THRB: variants seen among roughly 807,000 people sequenced by gnomAD.
THRB encodes thyroid hormone receptor beta.
A neutral mutation model predicts 47.8 loss-of-function variants in THRB; 12 were observed. The ratio of observed to expected loss-of-function variants is 0.25; its 90% CI spans 0.16 to 0.41. THRB has a LOEUF of 0.41. Ranked by LOEUF, THRB falls within the 10% of genes least tolerant of loss-of-function variation. The pLI is 1.00. For missense variants in THRB, 348 were observed against 589.2 expected (o/e 0.59, Z 4.24); for synonymous variants, 218 against 212.2 (o/e 1.03, Z -0.24).
chr3:24,310,318 TA>T (rs1477218616), intron 2 of THRB, among the ~76,000 whole-genome samples: 1 of 152,174 alleles, frequency 6.6e-6, no homozygotes, highest in African/African-American at 2.4e-5. Flanking sequence ...TTTTTAAAAA[TA>T]AAATGATGTA....
chr3:24,455,106 CTTTTTTTTTTTTTT>C (rs71057676), intron 1 of THRB: 13 of 40,694 alleles, frequency 3.2e-4, no homozygotes, highest in South Asian at 1.2e-3. Flanking sequence ...TAAGGACTTA[CTTTTTTTTTTTTTT>C]TTTTTTTTTT....
rs1001019994 is a variant in THRB, at chr3:24,117,285, C to A, written c.*5599G>T. On this transcript the variant is annotated 3_prime_UTR_variant, in exon 11 of 11. Transcript: ENST00000646209. ...GTTTTAGATTTACCTTTGGTGTGGG[C>A]ACTGGTTGCTTTTGCTTGCCCACCA... 3 of 152,204 alleles carry A rather than the reference C, an allele frequency of 2.0e-5. No individual in the cohort carries two copies. The highest frequency in any genetic ancestry group is 4.8e-5 in the African/African-American group (2 of 41,452). 9.4% of individuals were successfully genotyped at this position (152,204 alleles called of 1,614,324 possible).
At chr3:24,465,897 T>A (rs79546543) in intron 1 of THRB, among the ~76,000 whole-genome samples, 3,558 of 152,288 alleles carry the variant, frequency 0.023, 75 homozygotes, top group East Asian at 0.087. Context: ...TGTCAAATAA[T>A]TTTATAAATT....
At chr3:24,264,147 C>G (rs1017997509) in intron 3 of THRB, among the ~76,000 whole-genome samples, 3 of 152,116 alleles carry the variant, frequency 2.0e-5, no homozygotes, top group African/African-American at 7.2e-5. Flanking sequence ...GCTGTTTTTC[C>G]TCACTCACTC....
At chr3:24,466,860 G>T (rs74348983) in intron 1 of THRB, among the ~76,000 whole-genome samples, 5 of 152,158 alleles carry the variant, frequency 3.3e-5, no homozygotes, top group African/African-American at 1.2e-4. Flanking sequence ...ACTGATCAGG[G>T]TGATGGTTGC....
At chr3:24,454,108 A>T (rs1205947605) in intron 1 of THRB, among the ~76,000 whole-genome samples, 1 of 152,318 alleles carries the variant, frequency 6.6e-6, no homozygotes, top group South Asian at 2.1e-4. Flanking sequence ...TATACAAAAA[A>T]CTCAATAGTA....
chr3:24,447,255 G>T (rs1230238315), intron 1 of THRB, among the ~76,000 whole-genome samples: 2 of 152,122 alleles, frequency 1.3e-5, no homozygotes, highest in Non-Finnish European at 2.9e-5. Flanking sequence ...CAATTATAAT[G>T]CATTACCATG....
At chr3:24,420,897 A>G (rs1304721460) in intron 1 of THRB, among the ~76,000 whole-genome samples, 1 of 151,986 alleles carries the variant, frequency 6.6e-6, no homozygotes, top group Non-Finnish European at 1.5e-5. Context: ...ACACATGCAC[A>G]TGTATGTTCA....
At chr3:24,352,209 C>T (rs2063401999) in intron 1 of THRB, among the ~76,000 whole-genome samples, 1 of 152,172 alleles carries the variant, frequency 6.6e-6, no homozygotes, top group South Asian at 2.1e-4. Flanking sequence ...ACAAATTTAA[C>T]CTTAATAAAA....
intron 6 of THRB, among the ~76,000 whole-genome samples, chr3:24,150,024 A>T (rs2036670009): frequency 6.6e-6 from 1 of 152,236 alleles, no homozygotes; most frequent in Non-Finnish European, 1.5e-5. Context: ...TGTGAAAAGG[A>T]GATAACTCAC....
intron 1 of THRB, among the ~76,000 whole-genome samples, chr3:24,444,735 G>A (rs2071895990): frequency 6.6e-6 from 1 of 152,018 alleles, no homozygotes. Flanking sequence ...ACAGGCGTGT[G>A]CCACCATGCC....
At chr3:24,283,049 T>C (rs1245841115) in intron 3 of THRB, among the ~76,000 whole-genome samples, 1 of 150,756 alleles carries the variant, frequency 6.6e-6, no homozygotes, top group Non-Finnish European at 1.5e-5. Context: ...TTCCAATCAA[T>C]AGAAAAAGAG....
intron 3 of THRB, among the ~76,000 whole-genome samples, chr3:24,277,736 C>T (rs1238198310): frequency 6.6e-6 from 1 of 152,160 alleles, no homozygotes; most frequent in Non-Finnish European, 1.5e-5. Flanking sequence ...TATAAAGTTA[C>T]CCCAAATTTC....
chr3:24,174,371 C>T (rs1190965475), intron 5 of THRB, among the ~76,000 whole-genome samples: 1 of 152,120 alleles, frequency 6.6e-6, no homozygotes, highest in East Asian at 1.9e-4. Flanking sequence ...TATGCTGTTA[C>T]TATTTTAATT....
chr3:24,261,585 G>A (rs1184160576), intron 3 of THRB, among the ~76,000 whole-genome samples: 3 of 149,770 alleles, frequency 2.0e-5, no homozygotes, highest in Non-Finnish European at 4.4e-5. Context: ...CTCCCCTTTA[G>A]AGCAAAGGAG....
At chr3:24,424,788 TTG>T (rs2069599644) in intron 1 of THRB, among the ~76,000 whole-genome samples, 3 of 152,078 alleles carry the variant, frequency 2.0e-5, no homozygotes, top group South Asian at 4.1e-4. Flanking sequence ...TTCACTTTTA[TTG>T]TGTTTTAATT....
intron 3 of THRB, among the ~76,000 whole-genome samples, chr3:24,277,092 C>T (rs892828796): frequency 2.6e-5 from 4 of 152,126 alleles, no homozygotes; most frequent in South Asian, 2.1e-4. Context: ...TAGCTGTCAA[C>T]GTTGCCATAG....
chr3:24,236,754 G>A (rs953605268), intron 3 of THRB, among the ~76,000 whole-genome samples: 2 of 152,136 alleles, frequency 1.3e-5, no homozygotes, highest in African/African-American at 4.8e-5. Flanking sequence ...TTGCTGTGGG[G>A]AGTAAGAAAG....
intron 3 of THRB, among the ~76,000 whole-genome samples, chr3:24,254,450 AATACAT>A (rs1166318790): frequency 6.6e-5 from 10 of 152,064 alleles, no homozygotes; most frequent in Admixed American, 4.6e-4. Flanking sequence ...TGTGTTTAAT[AATACAT>A]ATACTATTGG....
Sources: allele counts gnomAD v4.1 joint callset (sites outside exome capture counted in the v4.1 genomes callset), GRCh38; gene constraint gnomAD v4.1.1; transcripts MANE v1.5; gene names NCBI Gene and HGNC (gene_info 2026-07-23, HGNC 2026-07-21).